SLIT1: variants seen among roughly 807,000 people sequenced by gnomAD.
SLIT1 encodes slit guidance ligand 1.
A neutral mutation model predicts 186.1 loss-of-function variants in SLIT1; 66 were observed. The ratio of observed to expected loss-of-function variants is 0.35; its 90% CI spans 0.29 to 0.44. The LOEUF is 0.44. Ranked by LOEUF, SLIT1 falls within the 20% of genes least tolerant of loss-of-function variation. The probability of loss-of-function intolerance (pLI) is 1.00; values close to 1 mark genes in which losing one functional copy is unlikely to be tolerated. For missense variants in SLIT1, 1,638 were observed against 2,037.4 expected (o/e 0.80, Z 3.77); for synonymous variants, 761 against 833.8 (o/e 0.91, Z 1.50).
intron 23 of SLIT1, among the ~76,000 whole-genome samples, chr10:97,033,768 T>C (rs529614150): frequency 6.6e-6 from 1 of 151,874 alleles, no homozygotes; most frequent in Non-Finnish European, 1.5e-5. Context: ...ATAAAAGAAG[T>C]GATCCTCATA....
At chr10:97,057,126 A>G in intron 12 of SLIT1, 84 bp downstream of exon 12, 2 of 1,034,688 alleles carry the variant, frequency 1.9e-6, no homozygotes, top group Non-Finnish European at 3.0e-6. Context: ...TACCCAAGAG[A>G]GGCCTAAAGG....
Position 97,006,594 on chromosome 10 carries a change from G to A in SLIT1, c.3468C>T (p.Gly1156=), listed in dbSNP as rs1848361460. ...GNRPVCQCLP[G]FGGPECEKLL... ...ACTTCTCACACTCAGGGCCACCGAA[G>A]CCTGGGAGGCACTGGCACACAGGCC... The change falls in exon 32 of 37, where the codon GGC becomes GGT. Residue 1156 remains glycine, a synonymous_variant. Transcript: ENST00000266058. This position sits in a 1 kb window ranked among gnomAD's most constrained non-coding sequence, Gnocchi z 4.0. The A allele has an allele frequency of 6.2e-7, 1 of 1,614,096 alleles. No homozygotes were observed. The highest frequency in any genetic ancestry group is 8.5e-7 in the Non-Finnish European group (1 of 1,180,022).
chr10:97,096,440 C>T (rs1425893950), intron 4 of SLIT1, among the ~76,000 whole-genome samples: 1 of 152,060 alleles, frequency 6.6e-6, no homozygotes, highest in African/African-American at 2.4e-5. Context: ...TCTCTGAGCG[C>T]ACCTCTGGCA....
At position 96,999,929 on chromosome 10, in the gene SLIT1, A is replaced by AGAT. The variant is rs940812573; in HGVS notation, c.*1180_*1182dup. ...TAAATACTTTTGATGTGATCAATGTAGATAGATAGATAGATAGATAGGTCT... is the reference window on the plus strand; with the variant it reads ...TAAATACTTTTGATGTGATCAATGTAGATGATAGATAGATAGATAGATAGGTCT... On this transcript the variant is annotated 3_prime_UTR_variant, in exon 37 of 37. Transcript: ENST00000266058. 6.7e-5 allele frequency: 10 copies of AGAT among 149,562 alleles called. No individual in the cohort carries two copies. The highest frequency in any genetic ancestry group is 2.4e-4 in the African/African-American group (10 of 40,836). 9.3% of individuals were successfully genotyped at this position (149,562 alleles called of 1,614,324 possible). A position where few individuals can be genotyped will look rare whatever the true frequency, so the allele number is the denominator to read the frequency against.
intron 4 of SLIT1, among the ~76,000 whole-genome samples, chr10:97,140,112 G>A (rs536336546): frequency 2.0e-5 from 3 of 152,228 alleles, no homozygotes; most frequent in Admixed American, 1.3e-4. Context: ...CCTGGGAGTG[G>A]GAACATCTCT....
At chr10:97,040,235 C>T in intron 20 of SLIT1, 115 bp from the exon 21 acceptor site, 2 of 1,120,292 alleles carry the variant, frequency 1.8e-6, no homozygotes, top group Non-Finnish European at 2.4e-6. Flanking sequence ...TCTGACAGTA[C>T]CTTGGCCATC....
rs765102884 is a variant in SLIT1, at chr10:96,998,098, A to G, written c.*3014T>C. 6.6e-6 allele frequency: 1 copy of G among 152,260 alleles called. No individual in the cohort carries two copies. Among genetic ancestry groups the G allele is most frequent in the Non-Finnish European group, 1.5e-5 (1 of 68,074 alleles). The allele number at this position is 152,260 out of a possible 1,614,324, so 9.4% of individuals were successfully genotyped here. A position where few individuals can be genotyped will look rare whatever the true frequency, so the allele number is the denominator to read the frequency against. ...AACAGACAATATCGACATAGTCTAA[A>G]ACAATACTTCCAGGGCAGGTGCAGC... is the stretch of plus-strand genomic sequence containing the variant. On this transcript the variant is annotated 3_prime_UTR_variant, in exon 37 of 37. Transcript: ENST00000266058.
chr10:97,022,304 A>C lies in SLIT1; in HGVS notation c.2583-891T>G, dbSNP rs1408646985. Reference sequence around the variant, plus strand: ...CCCATGCTCTTTTATTTTTCTTTGCATTTTTAATTAAACAGAACACATGAA... The same window carrying C: ...CCCATGCTCTTTTATTTTTCTTTGCCTTTTTAATTAAACAGAACACATGAA... On this transcript the variant is annotated intron_variant, in intron 25 of 36. Transcript: ENST00000266058. This position sits in a 1 kb window ranked among gnomAD's most constrained non-coding sequence, Gnocchi z 4.2. Among the ~76,000 whole-genome samples the C allele has an allele frequency of 6.6e-6, 1 of 152,172 alleles. No individual in the cohort carries two copies. The highest frequency in any genetic ancestry group is 1.5e-5 in the Non-Finnish European group (1 of 68,028).
intron 36 of SLIT1, 21 bp downstream of exon 36, chr10:97,002,137 G>T: frequency 7.1e-7 from 1 of 1,412,724 alleles, no homozygotes; most frequent in Non-Finnish European, 9.3e-7. Context: ...GGGAGGGCAC[G>T]TCAGGAGGGG....
At chr10:97,019,398 G>A (rs1848483360) in intron 26 of SLIT1, among the ~76,000 whole-genome samples, 2 of 152,202 alleles carry the variant, frequency 1.3e-5, no homozygotes, top group African/African-American at 4.8e-5. Context: ...GTGCACAGTG[G>A]CCATTAGGGC....
chr10:97,110,500 A>T (rs991873118), intron 4 of SLIT1, among the ~76,000 whole-genome samples: 4 of 152,262 alleles, frequency 2.6e-5, no homozygotes, highest in African/African-American at 4.8e-5. Flanking sequence ...AGTCCACATC[A>T]TCATGGATGA....
At chr10:97,029,585 C>T (rs1488607878) in intron 25 of SLIT1, among the ~76,000 whole-genome samples, 1 of 152,234 alleles carries the variant, frequency 6.6e-6, no homozygotes, top group Non-Finnish European at 1.5e-5. Flanking sequence ...GGCCCTGTCA[C>T]AGTCCAGTGC....
At chr10:97,131,861 C>T (rs919711852) in intron 4 of SLIT1, among the ~76,000 whole-genome samples, 7 of 152,150 alleles carry the variant, frequency 4.6e-5, no homozygotes, top group African/African-American at 1.7e-4. Context: ...TGCGTGGGGA[C>T]TAAGTATCCG....
intron 4 of SLIT1, among the ~76,000 whole-genome samples, chr10:97,080,575 C>A (rs2134653823): frequency 6.6e-6 from 1 of 152,338 alleles, no homozygotes; most frequent in Middle Eastern, 3.4e-3. Flanking sequence ...CCAGCCACTT[C>A]CTGTAGGAAG....
rs563358299 is a variant in SLIT1 at position 97,032,752 on chromosome 10, TC to T, written c.2439-1076del. 1.1e-3 allele frequency among the ~76,000 whole-genome samples: 60 copies of T among 56,688 alleles called. No homozygotes were observed. In the South Asian group the frequency reaches 0.014, roughly 13 times the overall value. The allele number at this position is 56,688 out of a possible 152,430, so 37.2% of individuals were successfully genotyped here. A position where few individuals can be genotyped will look rare whatever the true frequency, so the allele number is the denominator to read the frequency against. On this transcript the variant is annotated intron_variant, in intron 23 of 36. Transcript: ENST00000266058. ...GTCATGCTGGAAACAGCCCCCGTGT[TC>T]CCCAGCAGACGAATGGATGAGCAAA...
At chr10:97,057,845 A>G (rs1199041558) in intron 11 of SLIT1, 1 of 592,956 alleles carries the variant, frequency 1.7e-6, no homozygotes, top group Non-Finnish European at 3.1e-6. Flanking sequence ...AAAAAAACAC[A>G]TGTAGACATG....
intron 4 of SLIT1, among the ~76,000 whole-genome samples, chr10:97,134,536 G>A (rs1233149999): frequency 6.6e-6 from 1 of 152,100 alleles, no homozygotes; most frequent in Non-Finnish European, 1.5e-5. Context: ...GAGCCCACCT[G>A]CCCACCCTAA....
Position 97,012,739 on chromosome 10 carries a change from C to G in SLIT1, c.3203+1002G>C, listed in dbSNP as rs552290439. 6.6e-4 allele frequency among the ~76,000 whole-genome samples: 101 copies of G among 152,340 alleles called. 1 individual carries two copies. Among genetic ancestry groups the G allele is most frequent in the Non-Finnish European group, 5.3e-4 (36 of 68,038 alleles). On this transcript the variant is annotated intron_variant, in intron 30 of 36. Coordinates refer to ENST00000266058, the MANE Select transcript of SLIT1 (RefSeq NM_003061.3). Reference sequence around the variant, plus strand: ...CATTTACCGTGGAACCAGGCCTCAACAATCCTGGGCTCTTGCTTCCTGTCA... The same window carrying G: ...CATTTACCGTGGAACCAGGCCTCAAGAATCCTGGGCTCTTGCTTCCTGTCA...
intron 1 of SLIT1, among the ~76,000 whole-genome samples, chr10:97,177,621 C>T (rs531165849): frequency 2.6e-5 from 4 of 152,086 alleles, no homozygotes; most frequent in East Asian, 1.9e-4. Context: ...ACATTAACGG[C>T]GGATTGGATA....
Sources: allele counts gnomAD v4.1 joint callset (sites outside exome capture counted in the v4.1 genomes callset), GRCh38; gene constraint gnomAD v4.1.1; non-coding constraint Gnocchi (gnomAD v3.1); transcripts MANE v1.5; gene names NCBI Gene and HGNC (gene_info 2026-07-23, HGNC 2026-07-21).